Variants in NPY2R observed in about 807,000 individuals in gnomAD.
The protein encoded by NPY2R is neuropeptide Y receptor type 2.
A neutral mutation model predicts 22.3 loss-of-function variants in NPY2R; 17 were observed. That is an observed-to-expected ratio of 0.76 (90% CI 0.52 to 1.14). NPY2R has a LOEUF of 1.14. NPY2R is among the 50% of genes most tolerant of loss of function. The pLI, the probability that NPY2R is intolerant of heterozygous loss-of-function variation, is 0.00. For synonymous variants in NPY2R, 209 were observed against 183.4 expected (o/e 1.14, Z -1.13); for missense variants, 424 against 467.9 (o/e 0.91, Z 0.87).
chr4:155,176,572 C>T, the NPY2R span, among the ~76,000 whole-genome samples: 4 of 152,114 alleles, frequency 2.6e-5, no homozygotes, highest in African/African-American at 9.7e-5. Context: ...ATAGCCGGTG[C>T]AGCCACCATA....
rs150154882 is a variant in NPY2R, at chr4:155,214,986, T to G, written c.1047T>G (p.Ile349Met). Residue 349 changes from isoleucine (I) to methionine (M), a missense_variant, in exon 2 of 2, where the codon ATT becomes ATG. Transcript: ENST00000329476. The stretch of plus-strand genomic sequence containing the variant: ...GCTGTGAGCAGCGGTTGGATGCCAT[T>G]CACTCTGAGGTGTCCGTGACATTCA... ...AFRCEQRLDA[I>M]HSEVSVTFKA... 1.5e-4 allele frequency: 250 copies of G among 1,614,208 alleles called. No homozygotes were observed. The highest frequency in any genetic ancestry group is 1.7e-4 in the Non-Finnish European group (199 of 1,180,018).
upstream of NPY2R, among the ~76,000 whole-genome samples, chr4:155,203,724 A>G (rs1160525755): frequency 6.6e-6 from 1 of 152,146 alleles, no homozygotes; most frequent in African/African-American, 2.4e-5. Flanking sequence ...AACTTTAAAT[A>G]CTAGTTCTAC....
upstream of NPY2R, among the ~76,000 whole-genome samples, chr4:155,204,211 A>G (rs1729240072): frequency 6.6e-6 from 1 of 152,134 alleles, no homozygotes; most frequent in Non-Finnish European, 1.5e-5. Context: ...GGAAAAAAAA[A>G]AAAACGAAAA....
the NPY2R span, among the ~76,000 whole-genome samples, chr4:155,176,567 C>T: frequency 3.2e-3 from 492 of 152,256 alleles, 2 homozygotes; most frequent in African/African-American, 0.011. Flanking sequence ...ACCTGATAGC[C>T]GGTGCAGCCA....
chr4:155,176,345 A>G, the NPY2R span, among the ~76,000 whole-genome samples: 2 of 151,678 alleles, frequency 1.3e-5, no homozygotes, highest in Non-Finnish European at 2.9e-5. Context: ...CTTTCCCTCC[A>G]TCTCTCAGTC....
At chr4:155,190,694 C>A in the NPY2R span, among the ~76,000 whole-genome samples, 2 of 151,854 alleles carry the variant, frequency 1.3e-5, no homozygotes, top group Admixed American at 1.3e-4. Flanking sequence ...ATGACGTAAA[C>A]CAGAATTGCC....
the NPY2R span, among the ~76,000 whole-genome samples, chr4:155,196,552 G>A: frequency 6.6e-6 from 1 of 151,928 alleles, no homozygotes; most frequent in African/African-American, 2.4e-5. Context: ...GATGGTCCAT[G>A]TCTTTTTGTG....
chr4:155,174,484 A>ATATATATATATATATATATTTTTTT, the NPY2R span, among the ~76,000 whole-genome samples: 12 of 106,060 alleles, frequency 1.1e-4, no homozygotes, highest in African/African-American at 5.4e-4. Context: ...ATATATATAT[A>ATATATATATATATATATATTTTTTT]TTTTTTTTTT....
At chr4:155,177,621 G>A in the NPY2R span, among the ~76,000 whole-genome samples, 2,202 of 152,112 alleles carry the variant, frequency 0.014, 28 homozygotes, top group Non-Finnish European at 0.021. Flanking sequence ...TGGCTCCACT[G>A]GATATTGCCC....
chr4:155,185,044 A>ATATATATAT, the NPY2R span, among the ~76,000 whole-genome samples: 1 of 140,616 alleles, frequency 7.1e-6, no homozygotes, highest in African/African-American at 2.6e-5. Flanking sequence ...ATATATATAT[A>ATATATATAT]TTTTTTTTTT....
chr4:155,213,053 C>A (rs1171424795), intron 1 of NPY2R, among the ~76,000 whole-genome samples: 1 of 152,090 alleles, frequency 6.6e-6, no homozygotes, highest in Non-Finnish European at 1.5e-5. Context: ...ACAATAGGTT[C>A]TCATTTGTAA....
chr4:155,204,335 G>T (rs144895452), upstream of NPY2R, among the ~76,000 whole-genome samples: 1 of 152,066 alleles, frequency 6.6e-6, no homozygotes, highest in Non-Finnish European at 1.5e-5. Context: ...TCCCCACCTG[G>T]GGCCACTGAA....
upstream of NPY2R, among the ~76,000 whole-genome samples, chr4:155,203,689 A>T (rs1387016374): frequency 6.6e-6 from 1 of 152,172 alleles, no homozygotes; most frequent in African/African-American, 2.4e-5. Flanking sequence ...AGGTTCCATA[A>T]TTTTTGCTAC....
chr4:155,191,222 C>T, the NPY2R span, among the ~76,000 whole-genome samples: 1 of 151,860 alleles, frequency 6.6e-6, no homozygotes, highest in Non-Finnish European at 1.5e-5. Context: ...GACACAGGCA[C>T]TTAATACTTT....
the NPY2R span, among the ~76,000 whole-genome samples, chr4:155,174,484 A>ATATATATATATATATATATATTTT: frequency 3.3e-4 from 35 of 106,048 alleles, no homozygotes; most frequent in East Asian, 2.3e-3. Flanking sequence ...ATATATATAT[A>ATATATATATATATATATATATTTT]TTTTTTTTTT....
At position 155,214,522 on chromosome 4, in the gene NPY2R, A is replaced by G; in HGVS notation, c.583A>G (p.Ile195Val). 1.9e-6 allele frequency: 3 copies of G among 1,614,156 alleles called. No homozygotes were observed. The highest frequency in any genetic ancestry group is 2.5e-6 in the Non-Finnish European group (3 of 1,179,992). Residue 195 changes from isoleucine to valine, a missense_variant, in exon 2 of 2, where the codon ATC becomes GTC. Ile to Val is a conservative substitution (Grantham distance 29). Coordinates refer to ENST00000329476, the MANE Select transcript of NPY2R (RefSeq NM_000910.4). Reference sequence around the variant, plus strand: ...CCGGGAGTATTCGCTGATTGAGATCATCCCGGACTTTGAGATTGTGGCCTG... The same window carrying G: ...CCGGGAGTATTCGCTGATTGAGATCGTCCCGGACTTTGAGATTGTGGCCTG... The part of the protein sequence containing the change: ...IFREYSLIEI[I>V]PDFEIVACTE...
the NPY2R span, among the ~76,000 whole-genome samples, chr4:155,195,248 C>G: frequency 6.6e-6 from 1 of 151,990 alleles, no homozygotes; most frequent in African/African-American, 2.4e-5. Context: ...CTCTGTCTCT[C>G]TCTCTCCTTC....
chr4:155,201,364 C>G, the NPY2R span, among the ~76,000 whole-genome samples: 2 of 152,238 alleles, frequency 1.3e-5, no homozygotes, highest in South Asian at 4.1e-4. Context: ...TCTAAATACT[C>G]TGAGACTGTC....
At chr4:155,185,835 C>T in the NPY2R span, among the ~76,000 whole-genome samples, 1 of 151,994 alleles carries the variant, frequency 6.6e-6, no homozygotes, top group Non-Finnish European at 1.5e-5. Context: ...TTTAAGAAAG[C>T]ATAAAAGGCA....
Sources: allele counts gnomAD v4.1 joint callset (sites outside exome capture counted in the v4.1 genomes callset), GRCh38; gene constraint gnomAD v4.1.1; transcripts MANE v1.5; gene names NCBI Gene and HGNC (gene_info 2026-07-23, HGNC 2026-07-21).